The following ACTR6 variants were observed in gnomAD, a reference collection of about 807,000 sequenced individuals.
ACTR6 encodes the protein actin related protein 6.
ACTR6 carries 50 observed loss-of-function variants against 52.5 expected under a neutral mutation model. The observed-to-expected ratio is 0.95, with a 90% CI of 0.76 to 1.20. ACTR6 has a LOEUF of 1.20. ACTR6 is among the 50% of genes most tolerant of loss of function. ACTR6 has a pLI of 0.00. For synonymous variants in ACTR6, 135 were observed against 147.2 expected, an observed-to-expected ratio of 0.92 and a Z score of 0.60; for missense variants, 344 against 472.4, an observed-to-expected ratio of 0.73 and a Z score of 2.52.
At chr12:100,214,646 G>T (rs2096122617) in intron 8 of ACTR6, among the ~76,000 whole-genome samples, 1 of 151,818 alleles carries the variant, frequency 6.6e-6, no homozygotes, top group Non-Finnish European at 1.5e-5. Context: ...GAGTTGGGAG[G>T]ATTGCTTGTG....
intron 8 of ACTR6, among the ~76,000 whole-genome samples, chr12:100,212,737 G>A (rs559173136): frequency 6.6e-6 from 1 of 152,152 alleles, no homozygotes; most frequent in South Asian, 2.1e-4. Flanking sequence ...CAGCCACCGT[G>A]GCTCACACCT....
At chr12:100,212,589 T>A in intron 8 of ACTR6, 61 bp downstream of exon 8, 1 of 1,296,912 alleles carries the variant, frequency 7.7e-7, no homozygotes, top group Non-Finnish European at 1.1e-6. Context: ...TCCCAGCACT[T>A]GGGGAGGCTA....
At chr12:100,214,071 A>G (rs1292754249) in intron 8 of ACTR6, among the ~76,000 whole-genome samples, 3 of 152,232 alleles carry the variant, frequency 2.0e-5, no homozygotes, top group Non-Finnish European at 2.9e-5. Flanking sequence ...GACAAATCTC[A>G]GAAATCTGAT....
At chr12:100,208,069 A>G (rs7975157) in intron 4 of ACTR6, 73,435 of 277,968 alleles carry the variant, frequency 0.26, 14,512 homozygotes, top group African/African-American at 0.67. Flanking sequence ...GCTGAGGCAG[A>G]AGGATCGTTT....
intron 2 of ACTR6, 41 bp from the exon 3 acceptor site, chr12:100,205,634 TC>T (rs756242290): frequency 7.8e-6 from 9 of 1,156,852 alleles, no homozygotes; most frequent in Non-Finnish European, 9.7e-6. Context: ...TAAAAATTAT[TC>T]AAATGTTCTT....
intron 8 of ACTR6, among the ~76,000 whole-genome samples, chr12:100,213,387 T>C (rs967503891): frequency 2.0e-5 from 3 of 152,150 alleles, no homozygotes; most frequent in African/African-American, 7.2e-5. Flanking sequence ...CACAGCTCCT[T>C]GGGCCTTCGA....
intron 3 of ACTR6, 87 bp from the exon 4 acceptor site, chr12:100,207,576 G>C: frequency 8.4e-7 from 1 of 1,188,996 alleles, no homozygotes; most frequent in South Asian, 1.7e-5. Context: ...ATTATTGTGA[G>C]GATTAAATAA....
chr12:100,210,317 T>C lies in ACTR6; in HGVS notation c.538T>C (p.Leu180=). The C allele has an allele frequency of 1.2e-6, 2 of 1,614,152 alleles. No individual in the cohort carries two copies. Among genetic ancestry groups the C allele is most frequent in the South Asian group, 1.1e-5 (1 of 91,080 alleles). Residue 180 remains leucine, a synonymous_variant, in exon 6 of 11, where the codon TTA becomes CTA. Coordinates refer to ENST00000188312, the MANE Select transcript of ACTR6 (RefSeq NM_022496.5). ...CAGGATAAATGTGGGAGGAAAACTCTTAACCAATCATCTAAAGGAGATCAT... is the reference window on the plus strand; with the variant it reads ...CAGGATAAATGTGGGAGGAAAACTCCTAACCAATCATCTAAAGGAGATCAT... ...IIRINVGGKL[L]TNHLKEIISY...
chr12:100,209,694 G>C (rs886412722), intron 4 of ACTR6, among the ~76,000 whole-genome samples: 1 of 152,158 alleles, frequency 6.6e-6, no homozygotes, highest in African/African-American at 2.4e-5. Context: ...CTGAGCTTCA[G>C]GTTCCTTATC....
chr12:100,202,270 G>T (rs1057306416), intron 1 of ACTR6, among the ~76,000 whole-genome samples: 1 of 152,108 alleles, frequency 6.6e-6, no homozygotes, highest in Non-Finnish European at 1.5e-5. Context: ...GAATTAATTA[G>T]AAGTGCTTTG....
chr12:100,207,951 AG>A (rs1208910630), intron 4 of ACTR6, 165 bp downstream of exon 4: 2 of 639,826 alleles, frequency 3.1e-6, no homozygotes. Flanking sequence ...ACTTGAGTTT[AG>A]GATTTGAGAT....
intron 10 of ACTR6, among the ~76,000 whole-genome samples, chr12:100,220,973 C>T (rs1267732220): frequency 7.1e-6 from 1 of 140,784 alleles, no homozygotes; most frequent in Non-Finnish European, 1.5e-5. Flanking sequence ...GGTGACAAAG[C>T]AAGACTCTGT....
At chr12:100,221,231 A>G (rs2096128051) in intron 10 of ACTR6, among the ~76,000 whole-genome samples, 1 of 152,170 alleles carries the variant, frequency 6.6e-6, no homozygotes, top group South Asian at 2.1e-4. Context: ...ACTCACCCCT[A>G]GTGTTAGTGG....
intron 8 of ACTR6, among the ~76,000 whole-genome samples, chr12:100,214,248 A>G (rs1465005061): frequency 6.6e-6 from 1 of 152,172 alleles, no homozygotes; most frequent in Non-Finnish European, 1.5e-5. Flanking sequence ...AAATTAGGGG[A>G]GTGTCAGCTT....
In ACTR6 at chr12:100,218,653, C is replaced by G. The variant is rs1447789730; in HGVS notation, c.922+67C>G. On this transcript the variant is annotated intron_variant, in intron 9 of 10. Transcript: ENST00000188312. This position sits in a 1 kb window ranked among gnomAD's most constrained non-coding sequence, Gnocchi z 4.2. ...TAAAAACATCATAAGCCCTGTGAACCCTGTTTCCTCTAAATAATTTCAGGC... is the reference window on the plus strand; with the variant it reads ...TAAAAACATCATAAGCCCTGTGAACGCTGTTTCCTCTAAATAATTTCAGGC... 1 of 1,081,296 alleles carries G rather than the reference C, an allele frequency of 9.2e-7. No individual in the cohort carries two copies. The highest frequency in any genetic ancestry group is 3.1e-5 in the East Asian group (1 of 31,928). 67.0% of individuals were successfully genotyped at this position (1,081,296 alleles called of 1,614,324 possible).
At chr12:100,206,849 T>G (rs1374321504) in intron 3 of ACTR6, among the ~76,000 whole-genome samples, 1 of 150,198 alleles carries the variant, frequency 6.7e-6, no homozygotes, top group African/African-American at 2.4e-5. Context: ...TTTTTTTTTT[T>G]TTGTATTTTT....
Position 100,210,213 on chromosome 12 carries a change from G to A in ACTR6, c.515+5G>A. 1 of 1,602,862 alleles carries A rather than the reference G, an allele frequency of 6.2e-7. No homozygotes were observed. Among genetic ancestry groups the A allele is most frequent in the Non-Finnish European group, 8.5e-7 (1 of 1,172,954 alleles). On this transcript the variant is annotated splice_donor_5th_base_variant and intron_variant, in intron 5 of 10. Coordinates refer to ENST00000188312, the MANE Select transcript of ACTR6 (RefSeq NM_022496.5). ...GAAAAAAGAAGCAATTATTCGGTGA[G>A]TTGTATTTAATTTTCATGTTGTTTC...
chr12:100,206,503 C>T (rs1345141694), intron 3 of ACTR6, among the ~76,000 whole-genome samples: 2 of 151,352 alleles, frequency 1.3e-5, no homozygotes, highest in Non-Finnish European at 2.9e-5. Flanking sequence ...AAAACATCTG[C>T]AAGTTTTTTT....
At position 100,210,050 on chromosome 12, in the gene ACTR6, C is replaced by T. The variant is rs200755214; in HGVS notation, c.380-23C>T. 12 of 1,549,552 alleles carry T rather than the reference C, an allele frequency of 7.7e-6. No individual in the cohort carries two copies. In the East Asian group the frequency reaches 1.8e-4, roughly 24 times the overall value. On this transcript the variant is annotated intron_variant, in intron 4 of 10. Coordinates refer to ENST00000188312, the MANE Select transcript of ACTR6 (RefSeq NM_022496.5). ...TAAATTAGTGTTATATTTTTGTTCA[C>T]TTTTTTATCTTTTTTTAAATAGCTG...
Sources: allele counts gnomAD v4.1 joint callset (sites outside exome capture counted in the v4.1 genomes callset), GRCh38; gene constraint gnomAD v4.1.1; non-coding constraint Gnocchi (gnomAD v3.1); transcripts MANE v1.5; gene names NCBI Gene and HGNC (gene_info 2026-07-23, HGNC 2026-07-21).